Variants in CMSS1 observed in about 807,000 individuals in gnomAD.
The protein encoded by CMSS1 is cms1 ribosomal small subunit homolog, also known as protein CMSS1.
In CMSS1, 33 loss-of-function variants were observed where a neutral mutation model predicts 43.5. The observed-to-expected ratio is 0.76, with a 90% CI of 0.57 to 1.01. The LOEUF (loss-of-function observed/expected upper bound fraction) is 1.01. CMSS1 is among the 50% of genes least tolerant of loss of function. The pLI, the probability that CMSS1 is intolerant of heterozygous loss-of-function variation, is 0.00. For synonymous variants in CMSS1, 115 were observed against 117.2 expected (o/e 0.98, Z 0.12); for missense variants, 313 against 326.4 (o/e 0.96, Z 0.32).
chr3:100,125,510 G>A (rs1168377462), intron 1 of CMSS1, among the ~76,000 whole-genome samples: 5 of 152,190 alleles, frequency 3.3e-5, no homozygotes, highest in Non-Finnish European at 2.9e-5. Context: ...ATGTTGTAAC[G>A]GGTCAAGTAA....
At chr3:99,907,451 G>A (rs1706655260) in intron 1 of CMSS1, among the ~76,000 whole-genome samples, 1 of 152,162 alleles carries the variant, frequency 6.6e-6, no homozygotes, top group African/African-American at 2.4e-5. Flanking sequence ...GTTTCACCAT[G>A]TTAGCCAGGA....
At chr3:99,907,184 G>A (rs793464) in intron 1 of CMSS1, among the ~76,000 whole-genome samples, 67,314 of 151,928 alleles carry the variant, frequency 0.44, 15,386 homozygotes, top group African/African-American at 0.54. Flanking sequence ...ACTTTGTCAC[G>A]TTATCATAGT....
intron 1 of CMSS1, among the ~76,000 whole-genome samples, chr3:100,033,160 A>G (rs1238302473): frequency 6.6e-6 from 1 of 152,192 alleles, no homozygotes; most frequent in African/African-American, 2.4e-5. Context: ...CTGTATGGTA[A>G]TGGAATTATT....
intron 1 of CMSS1, among the ~76,000 whole-genome samples, chr3:100,123,596 G>T: frequency 6.6e-6 from 1 of 152,164 alleles, no homozygotes; most frequent in Non-Finnish European, 1.5e-5. Context: ...CCTGAACAGG[G>T]TACTCCCAGG....
At chr3:100,107,516 G>A (rs1196730366) in intron 1 of CMSS1, among the ~76,000 whole-genome samples, 2 of 152,132 alleles carry the variant, frequency 1.3e-5, no homozygotes, top group Non-Finnish European at 2.9e-5. Flanking sequence ...TAATGCTTCA[G>A]TACAGTCTTT....
intron 1 of CMSS1, among the ~76,000 whole-genome samples, chr3:99,997,350 AAAACCTAGAG>A (rs1478101852): frequency 2.0e-5 from 3 of 152,364 alleles, no homozygotes; most frequent in African/African-American, 4.8e-5. Flanking sequence ...CACAAACTAG[AAAACCTAGAG>A]GAAATGGCTG....
At chr3:100,160,121 G>A (rs886939612) in intron 2 of CMSS1, among the ~76,000 whole-genome samples, 9 of 152,036 alleles carry the variant, frequency 5.9e-5, no homozygotes, top group African/African-American at 2.2e-4. Context: ...TACAAACTCA[G>A]CCACTGTCTT....
chr3:99,883,116 G>A (rs1005004102), intron 1 of CMSS1, among the ~76,000 whole-genome samples: 10 of 152,164 alleles, frequency 6.6e-5, no homozygotes, highest in East Asian at 1.9e-4. Context: ...TTGTGTCTAC[G>A]CTTAGATTGA....
At chr3:99,968,229 G>C (rs1047313004) in intron 1 of CMSS1, among the ~76,000 whole-genome samples, 2 of 152,164 alleles carry the variant, frequency 1.3e-5, no homozygotes, top group Admixed American at 1.3e-4. Context: ...TGGGAGAGTA[G>C]TATGTTCATA....
At chr3:100,066,777 C>T (rs2065672712) in intron 1 of CMSS1, among the ~76,000 whole-genome samples, 1 of 94,532 alleles carries the variant, frequency 1.1e-5, no homozygotes, top group Non-Finnish European at 2.5e-5. Flanking sequence ...GTGATCCGCC[C>T]GCCTCGGCCT....
intron 1 of CMSS1, among the ~76,000 whole-genome samples, chr3:99,841,570 A>AG (rs1311339584): frequency 6.6e-6 from 1 of 152,196 alleles, no homozygotes; most frequent in African/African-American, 2.4e-5. Context: ...TAGGCTTTGT[A>AG]GGTCTGTAGG....
intron 1 of CMSS1, among the ~76,000 whole-genome samples, chr3:99,844,301 C>G (rs1943265604): frequency 2.0e-5 from 3 of 152,178 alleles, no homozygotes; most frequent in Admixed American, 2.0e-4. Flanking sequence ...AACTTAATAT[C>G]AGGGGATTCT....
rs531512561 is a variant in CMSS1, at chr3:99,905,917, G to A, written c.64+87874G>A. Among the ~76,000 whole-genome samples, 43 of 152,306 alleles carry A rather than the reference G, an allele frequency of 2.8e-4. 1 individual carries two copies. The South Asian group carries it at 8.7e-3, about 31-fold the overall frequency. On this transcript the variant is annotated intron_variant, in intron 1 of 9. Coordinates refer to ENST00000421999, the MANE Select transcript of CMSS1 (RefSeq NM_032359.4). ...CTTTTTATTTAGCCTTTCTGGCCAG[G>A]CGCAGTGGCTCATGCTTGTAGTCCC...
At position 100,066,517 on chromosome 3, in the gene CMSS1, CTTTTTTTTTTT is replaced by C. The variant is rs545356638; in HGVS notation, c.65-80434_65-80424del. Among the ~76,000 whole-genome samples, 4 of 38,318 alleles carry C rather than the reference CTTTTTTTTTTT, an allele frequency of 1.0e-4. 1 individual carries two copies. The highest frequency in any genetic ancestry group is 4.5e-4 in the African/African-American group (4 of 8,818). The allele number at this position is 38,318 out of a possible 152,430, so 25.1% of individuals were successfully genotyped here. A position where few individuals can be genotyped will look rare whatever the true frequency, so the allele number is the denominator to read the frequency against. ...AAGGATGATGTGGAAGGCTTTGCTT[CTTTTTTTTTTT>C]TTTTTTTTTTTTTTTTTTTTTGAGA... On this transcript the variant is annotated intron_variant, in intron 1 of 9. Coordinates refer to ENST00000421999, the MANE Select transcript of CMSS1 (RefSeq NM_032359.4).
intron 1 of CMSS1, among the ~76,000 whole-genome samples, chr3:99,894,588 CAAG>C (rs1436157561): frequency 5.9e-5 from 9 of 152,138 alleles, no homozygotes; most frequent in Non-Finnish European, 1.0e-4. Flanking sequence ...TTTCTTACAG[CAAG>C]GAGGAAAGTG....
At chr3:99,831,465 T>A (rs1163175277) in intron 1 of CMSS1, among the ~76,000 whole-genome samples, 2 of 152,192 alleles carry the variant, frequency 1.3e-5, no homozygotes, top group Admixed American at 1.3e-4. Context: ...AACACTAAAT[T>A]GTTTTAAAAG....
At chr3:99,914,221 T>C (rs941743797) in intron 1 of CMSS1, among the ~76,000 whole-genome samples, 1 of 152,224 alleles carries the variant, frequency 6.6e-6, no homozygotes, top group African/African-American at 2.4e-5. Flanking sequence ...ATTTGGACTC[T>C]AAGACTTGAT....
intron 1 of CMSS1, among the ~76,000 whole-genome samples, chr3:100,145,198 T>C (rs1576102121): frequency 6.6e-6 from 1 of 152,234 alleles, no homozygotes; most frequent in African/African-American, 2.4e-5. Context: ...CCCAGCACTT[T>C]GAGAGGCCGA....
At chr3:100,087,832 C>CTTTTTTTTTTT (rs755041519) in intron 1 of CMSS1, among the ~76,000 whole-genome samples, 1 of 114,122 alleles carries the variant, frequency 8.8e-6, no homozygotes, top group African/African-American at 3.2e-5. Flanking sequence ...ATTGTTTCAA[C>CTTTTTTTTTTT]TTTTTTTTTT....
Sources: allele counts gnomAD v4.1 joint callset (sites outside exome capture counted in the v4.1 genomes callset), GRCh38; gene constraint gnomAD v4.1.1; transcripts MANE v1.5; gene names NCBI Gene and HGNC (gene_info 2026-07-23, HGNC 2026-07-21).